Variants in LGALSL observed in about 807,000 individuals in gnomAD.
The protein encoded by LGALSL is galectin like.
LGALSL carries 13 observed loss-of-function variants against 19.5 expected under a neutral mutation model. The observed-to-expected ratio is 0.67, with a 90% CI of 0.43 to 1.06. The LOEUF is 1.06. LGALSL is among the 50% of genes least tolerant of loss of function. The probability of loss-of-function intolerance (pLI) is 0.00; values close to 1 mark genes in which losing one functional copy is unlikely to be tolerated. For synonymous variants in LGALSL, 86 were observed against 78.3 expected (o/e 1.10, Z -0.52); for missense variants, 189 against 219.3 (o/e 0.86, Z 0.87).
rs1020694934 is a variant in LGALSL at position 64,454,404 on chromosome 2, C to T, written c.-142C>T. The stretch of plus-strand genomic sequence containing the variant: ...TGCCAGGTCGGCGCCGGGCCCCGGG[C>T]GCGCGCGCGCGCGCCCCCTCGTGTG... On this transcript the variant is annotated 5_prime_UTR_variant, in exon 1 of 5. Coordinates refer to ENST00000238875, the MANE Select transcript of LGALSL (RefSeq NM_014181.3). This position sits in a 1 kb window ranked among gnomAD's most constrained non-coding sequence, Gnocchi z 5.1. The T allele has an allele frequency of 3.0e-6, 1 of 332,222 alleles. No homozygotes were observed. The highest frequency in any genetic ancestry group is 2.2e-5 in the African/African-American group (1 of 45,136). The allele number at this position is 332,222 out of a possible 1,614,324, so 20.6% of individuals were successfully genotyped here. A position where few individuals can be genotyped will look rare whatever the true frequency, so the allele number is the denominator to read the frequency against.
chr2:64,454,685 C>A lies in LGALSL; in HGVS notation c.36+104C>A, dbSNP rs1008613508. 1.2e-6 allele frequency: 1 copy of A among 847,334 alleles called. No individual in the cohort carries two copies. The highest frequency in any genetic ancestry group is 1.8e-5 in the African/African-American group (1 of 55,988). The allele number at this position is 847,334 out of a possible 1,614,324, so 52.5% of individuals were successfully genotyped here. On this transcript the variant is annotated intron_variant, in intron 1 of 4. Transcript: ENST00000238875. The surrounding 1 kb of genome is among the most constrained non-coding windows in gnomAD (Gnocchi z 5.1). ...GGTGCTGAGCAGCCGCAGGCCCGGC[C>A]GGCGCCCGGCGCGTGGGAAGGCGCC...
chr2:64,458,559 TG>T lies in LGALSL; in HGVS notation c.*133del. 1.1e-6 allele frequency: 1 copy of T among 891,802 alleles called. No individual in the cohort carries two copies. The highest frequency in any genetic ancestry group is 1.7e-6 in the Non-Finnish European group (1 of 597,748). The allele number at this position is 891,802 out of a possible 1,614,324, so 55.2% of individuals were successfully genotyped here. A position where few individuals can be genotyped will look rare whatever the true frequency, so the allele number is the denominator to read the frequency against. On this transcript the variant is annotated 3_prime_UTR_variant, in exon 5 of 5. Coordinates refer to ENST00000238875, the MANE Select transcript of LGALSL (RefSeq NM_014181.3). ...ACAAATGGCAAGTTTCACTTAAGGG[TG>T]GTTTGCCCTTAAGAAGAAAGCTGTT... is the stretch of plus-strand genomic sequence containing the variant.
At position 64,458,365 on chromosome 2, in the gene LGALSL, A is replaced by C. The variant is rs749117920; in HGVS notation, c.456A>C (p.Gln152His). The C allele has an allele frequency of 1.2e-6, 2 of 1,614,094 alleles. No homozygotes were observed. Among genetic ancestry groups the C allele is most frequent in the Non-Finnish European group, 1.7e-6 (2 of 1,179,942 alleles). Residue 152 changes from glutamine to histidine, a missense_variant, in exon 5 of 5, where the codon CAA (glutamine) becomes CAC (histidine). Physicochemically the swap from Gln to His is conservative, Grantham distance 24. This residue lies in a region of LGALSL where 106 missense variants were observed against 119.3 expected (regional missense o/e 0.89). Transcript: ENST00000238875. ...TTTTTGATTTTTACCATCGCATTCA[A>C]ACGTTATCTGCAATTGACACCATAA... ...HQLFDFYHRI[Q>H]TLSAIDTIKI...
At position 64,458,482 on chromosome 2, in the gene LGALSL, G is replaced by A; in HGVS notation, c.*54G>A. ...CACGTGCCACAACTATCTGACTGTT[G>A]GTCTGGAAGAAGTGTCCTAGCAAGA... On this transcript the variant is annotated 3_prime_UTR_variant, in exon 5 of 5. Coordinates refer to ENST00000238875, the MANE Select transcript of LGALSL (RefSeq NM_014181.3). 6.5e-7 allele frequency: 1 copy of A among 1,541,132 alleles called. No homozygotes were observed. Among genetic ancestry groups the A allele is most frequent in the Non-Finnish European group, 8.9e-7 (1 of 1,128,642 alleles).
At position 64,460,967 on chromosome 2, in the gene LGALSL, T is replaced by C. The variant is rs1162689764; in HGVS notation, c.*2539T>C. Reference sequence around the variant, plus strand: ...GTCCATTTCTACAGTAAAATTGGAGTGAGTGTGTATATCTACTTAAAACTT... The same window carrying C: ...GTCCATTTCTACAGTAAAATTGGAGCGAGTGTGTATATCTACTTAAAACTT... On this transcript the variant is annotated 3_prime_UTR_variant, in exon 5 of 5. Transcript: ENST00000238875. 2 of 152,024 alleles carry C rather than the reference T, an allele frequency of 1.3e-5. No homozygotes were observed. Among genetic ancestry groups the C allele is most frequent in the East Asian group, 1.9e-4 (1 of 5,194 alleles). 9.4% of individuals were successfully genotyped at this position (152,024 alleles called of 1,614,324 possible). A position where few individuals can be genotyped will look rare whatever the true frequency, so the allele number is the denominator to read the frequency against.
chr2:64,455,467 C>T, intron 2 of LGALSL, 52 bp downstream of exon 2: 1 of 1,538,844 alleles, frequency 6.5e-7, no homozygotes, highest in Non-Finnish European at 9.0e-7. Context: ...TTTCTCATTG[C>T]TTTTTAAAAT....
rs952732761 is a variant in LGALSL at position 64,454,494 on chromosome 2, G to T, written c.-52G>T. ...CCCGCCCCGCGCAGGACAGCCCCGG[G>T]ATCCCCGCCCGCGCGCCGCGTCCCA... On this transcript the variant is annotated 5_prime_UTR_variant, in exon 1 of 5. Coordinates refer to ENST00000238875, the MANE Select transcript of LGALSL (RefSeq NM_014181.3). This position sits in a 1 kb window ranked among gnomAD's most constrained non-coding sequence, Gnocchi z 5.1. The T allele has an allele frequency of 6.3e-6, 8 of 1,270,220 alleles. No homozygotes were observed. In the African/African-American group the frequency reaches 9.5e-5, roughly 15 times the overall value. 78.7% of individuals were successfully genotyped at this position (1,270,220 alleles called of 1,614,324 possible).
rs1170846789 is a variant in LGALSL at position 64,454,314 on chromosome 2, G to C, written c.-232G>C. 2.5e-6 allele frequency: 1 copy of C among 394,124 alleles called. No homozygotes were observed. The highest frequency in any genetic ancestry group is 1.3e-4 in the South Asian group (1 of 7,838). The allele number at this position is 394,124 out of a possible 1,614,324, so 24.4% of individuals were successfully genotyped here. A position where few individuals can be genotyped will look rare whatever the true frequency, so the allele number is the denominator to read the frequency against. ...CGGGTCCGGGGCCGTTCTGGGCCGCGGCAAGCACCTTCGCCCTCCCAGCTC... is the reference window on the plus strand; with the variant it reads ...CGGGTCCGGGGCCGTTCTGGGCCGCCGCAAGCACCTTCGCCCTCCCAGCTC... On this transcript the variant is annotated 5_prime_UTR_variant, in exon 1 of 5. Coordinates refer to ENST00000238875, the MANE Select transcript of LGALSL (RefSeq NM_014181.3). The surrounding 1 kb of genome is among the most constrained non-coding windows in gnomAD (Gnocchi z 5.1).
chr2:64,456,617 C>T (rs977348636), intron 4 of LGALSL, 152 bp downstream of exon 4: 2 of 609,728 alleles, frequency 3.3e-6, no homozygotes, highest in Non-Finnish European at 5.5e-6. Flanking sequence ...CAAAAGAGCT[C>T]TGTTTGCTGA....
rs530003366 is a variant in LGALSL, at chr2:64,459,436, T to G, written c.*1008T>G. ...ATATGAAAATGACTGTGGAATGCAG[T>G]GTAAAGCAGAAGCAAACGGCCCTGA... On this transcript the variant is annotated 3_prime_UTR_variant, in exon 5 of 5. Transcript: ENST00000238875. 1 of 152,358 alleles carries G rather than the reference T, an allele frequency of 6.6e-6. No individual in the cohort carries two copies. The highest frequency in any genetic ancestry group is 1.9e-4 in the East Asian group (1 of 5,182). 9.4% of individuals were successfully genotyped at this position (152,358 alleles called of 1,614,324 possible).
Position 64,455,408 on chromosome 2 carries a change from C to G in LGALSL, c.101C>G (p.Pro34Arg). The change falls in exon 2 of 5, where the codon CCA becomes CGA. Residue 34 changes from proline to arginine, a missense_variant. Physicochemically the swap from Pro to Arg is moderately radical, Grantham distance 103. Coordinates refer to ENST00000238875, the MANE Select transcript of LGALSL (RefSeq NM_014181.3). ...CCAGTTCAAGCGGACGTGTACTTCC[C>G]ACGACTGGTAAATGATTTTGCTCTG... ...SSPVQADVYF[P>R]RLIVPFCGHI... 1 of 1,612,168 alleles carries G rather than the reference C, an allele frequency of 6.2e-7. No homozygotes were observed.
At chr2:64,455,453 CT>C in intron 2 of LGALSL, 38 bp downstream of exon 2, 1 of 1,549,670 alleles carries the variant, frequency 6.5e-7, no homozygotes, top group Non-Finnish European at 8.9e-7. Context: ...CTGTACCTTC[CT>C]CCTTTCTCAT....
Position 64,460,378 on chromosome 2 carries a change from T to C in LGALSL, c.*1950T>C, listed in dbSNP as rs942842715. On this transcript the variant is annotated 3_prime_UTR_variant, in exon 5 of 5. Transcript: ENST00000238875. ...TTAAAAGTCCCTAAATTTGAGAGACTTAAAGGGCACCTTGAAATACATTTG... is the reference window on the plus strand; with the variant it reads ...TTAAAAGTCCCTAAATTTGAGAGACCTAAAGGGCACCTTGAAATACATTTG... 2.0e-5 allele frequency: 3 copies of C among 152,216 alleles called. No individual in the cohort carries two copies. The highest frequency in any genetic ancestry group is 7.2e-5 in the African/African-American group (3 of 41,452). 9.4% of individuals were successfully genotyped at this position (152,216 alleles called of 1,614,324 possible).
Position 64,458,282 on chromosome 2 carries a change from C to T in LGALSL, c.376-3C>T, listed in dbSNP as rs1686767862. The T allele has an allele frequency of 2.5e-6, 4 of 1,612,614 alleles. No individual in the cohort carries two copies. Among genetic ancestry groups the T allele is most frequent in the Non-Finnish European group, 2.5e-6 (3 of 1,179,272 alleles). ...TTGTGGATTATTATTTTGTTTCTTC[C>T]AGGTGGAAATTCTTTGTGAGCACCC... On this transcript the variant is annotated splice_polypyrimidine_tract_variant and splice_region_variant and intron_variant, in intron 4 of 4. Transcript: ENST00000238875.
At chr2:64,455,726 C>T (rs1430670085) in intron 3 of LGALSL, 49 bp downstream of exon 3, 1 of 1,370,396 alleles carries the variant, frequency 7.3e-7, no homozygotes, top group Non-Finnish European at 1.0e-6. Context: ...GTGGCTGAGC[C>T]CTGCCCACTT....
In LGALSL at chr2:64,459,350, CAA is replaced by C. The variant is rs547381907; in HGVS notation, c.*924_*925del. On this transcript the variant is annotated 3_prime_UTR_variant, in exon 5 of 5. Coordinates refer to ENST00000238875, the MANE Select transcript of LGALSL (RefSeq NM_014181.3). ...ATTAAGTTGTTATTAATCAAAAACA[CAA>C]AGAGGTGATTGCTTAGACAATTTTT... 2.2e-4 allele frequency: 33 copies of C among 152,182 alleles called. No homozygotes were observed. In the South Asian group the frequency reaches 5.8e-3, roughly 27 times the overall value. The allele number at this position is 152,182 out of a possible 1,614,324, so 9.4% of individuals were successfully genotyped here.
rs1572899016 is a variant in LGALSL at position 64,455,694 on chromosome 2, G to C, written c.197+17G>C. 6.3e-7 allele frequency: 1 copy of C among 1,584,170 alleles called. No individual in the cohort carries two copies. The highest frequency in any genetic ancestry group is 8.7e-7 in the Non-Finnish European group (1 of 1,152,660). On this transcript the variant is annotated intron_variant, in intron 3 of 4. Coordinates refer to ENST00000238875, the MANE Select transcript of LGALSL (RefSeq NM_014181.3). ...CCCAGAGAGGTAAGGCAGAGTCTTT[G>C]TCAGGACAGAACTATCAGGCTGTGG...
In LGALSL at chr2:64,454,599, C is replaced by A. The variant is rs764385949; in HGVS notation, c.36+18C>A. ...CCGTGGTGGTGAGTGTGGCAGGGCG[C>A]GCGCGAGGCGCCCCTCCCCGCCGTC... On this transcript the variant is annotated intron_variant, in intron 1 of 4. Transcript: ENST00000238875. The surrounding 1 kb of genome is among the most constrained non-coding windows in gnomAD (Gnocchi z 5.1). The A allele has an allele frequency of 7.1e-6, 10 of 1,401,770 alleles. No homozygotes were observed. In the South Asian group the frequency reaches 1.4e-4, roughly 19 times the overall value. 86.8% of individuals were successfully genotyped at this position (1,401,770 alleles called of 1,614,324 possible).
intron 4 of LGALSL, among the ~76,000 whole-genome samples, chr2:64,457,441 G>A (rs537069159): frequency 6.6e-6 from 1 of 151,960 alleles, no homozygotes; most frequent in South Asian, 2.1e-4. Flanking sequence ...AAAAATAAAG[G>A]GAAATGCAAG....
Sources: gnomAD v4.1 joint callset for allele counts (sites outside exome capture counted in the v4.1 genomes callset) on GRCh38, gnomAD v4.1.1 for gene constraint, gnomAD v4.1.1 regional missense constraint, Gnocchi (gnomAD v3.1) non-coding constraint, MANE v1.5 for transcripts, NCBI Gene and HGNC (gene_info 2026-07-23, HGNC 2026-07-21) for gene names.